The following EXOSC10 variants were observed in gnomAD, a reference collection of about 807,000 sequenced individuals.
The protein encoded by EXOSC10 is exosome component 10.
In EXOSC10, 94 loss-of-function variants were observed where a neutral mutation model predicts 126.6. The ratio of observed to expected loss-of-function variants is 0.74; its 90% CI spans 0.63 to 0.88. EXOSC10 has a LOEUF of 0.88. Ranked by LOEUF, EXOSC10 falls within the 40% of genes least tolerant of loss-of-function variation. EXOSC10 has a pLI of 0.00. For missense variants in EXOSC10, 1,041 were observed against 1,100.5 expected (o/e 0.95, Z 0.77); for synonymous variants, 395 against 400.8 (o/e 0.99, Z 0.17).
chr1:11,092,334 C>A (rs1268418197), intron 3 of EXOSC10, among the ~76,000 whole-genome samples: 1 of 152,120 alleles, frequency 6.6e-6, no homozygotes, highest in Non-Finnish European at 1.5e-5. Context: ...CCTGCCTCAG[C>A]CTCCCAAGTA....
chr1:11,067,931 C>G, intron 24 of EXOSC10, 77 bp downstream of exon 24: 1 of 1,286,882 alleles, frequency 7.8e-7, no homozygotes. Flanking sequence ...TCCCCAGCTA[C>G]TCCCCACGGA....
intron 17 of EXOSC10, among the ~76,000 whole-genome samples, chr1:11,075,184 C>T (rs1470545132): frequency 6.6e-6 from 1 of 151,964 alleles, no homozygotes; most frequent in Non-Finnish European, 1.5e-5. Flanking sequence ...AAGCGTGCGC[C>T]ACAATGCCCG....
At position 11,088,290 on chromosome 1, in the gene EXOSC10, TGAGAA is replaced by T. The variant is rs1640613062; in HGVS notation, c.759-97_759-93del. On this transcript the variant is annotated intron_variant, in intron 6 of 24. Coordinates refer to ENST00000376936, the MANE Select transcript of EXOSC10 (RefSeq NM_001001998.3). ...CTTTTATCCAATCTGTAAAAACAAA[TGAGAA>T]AAGACCACTGTGAAAATATCTTCCC... is the stretch of plus-strand genomic sequence containing the variant. 5.9e-6 allele frequency: 5 copies of T among 846,618 alleles called. No individual in the cohort carries two copies. The Admixed American group carries it at 1.1e-4, about 18-fold the overall frequency. 52.4% of individuals were successfully genotyped at this position (846,618 alleles called of 1,614,324 possible).
chr1:11,087,556 G>A lies in EXOSC10; in HGVS notation c.981C>T (p.Cys327=). Residue 327 remains cysteine (C), a synonymous_variant, in exon 9 of 25, where the codon TGC becomes TGT. Coordinates refer to ENST00000376936, the MANE Select transcript of EXOSC10 (RefSeq NM_001001998.3). ...HSYRSFLGLT[C]LMQISTRTED... ...CCGTCCGAGTAGAAATTTGCATCAG[G>A]CAGGTCAGTCCCAGGAAGCTCCTGT... is the stretch of plus-strand genomic sequence containing the variant. 1 of 1,614,112 alleles carries A rather than the reference G, an allele frequency of 6.2e-7. No homozygotes were observed. Among genetic ancestry groups the A allele is most frequent in the Non-Finnish European group, 8.5e-7 (1 of 1,180,012 alleles).
intron 21 of EXOSC10, 122 bp from the exon 22 acceptor site, chr1:11,069,852 GGGAGA>G: frequency 9.6e-7 from 1 of 1,037,672 alleles, no homozygotes; most frequent in Admixed American, 2.2e-5. Context: ...GTCAGTGGTG[GGGAGA>G]GGAGCTGTGG....
At chr1:11,087,775 T>G (rs1173262260) in intron 8 of EXOSC10, 25 bp downstream of exon 8, 4 of 1,573,914 alleles carry the variant, frequency 2.5e-6, no homozygotes, top group Non-Finnish European at 3.5e-6. Context: ...TGTAAAAATT[T>G]TACCCAGGGT....
At chr1:11,096,146 G>C (rs1053954756) in intron 2 of EXOSC10, among the ~76,000 whole-genome samples, 1 of 152,036 alleles carries the variant, frequency 6.6e-6, no homozygotes, top group Admixed American at 6.6e-5. Context: ...AACAGGTCTG[G>C]TTAATTTTTG....
chr1:11,087,870 G>A lies in EXOSC10; in HGVS notation c.875C>T (p.Ser292Phe), dbSNP rs560051665. ...PIEETPCHFI[S>F]SLDELVELNE... ...GAGTTCCACGAGTTCATCCAGGGAG[G>A]ATATGAAATGGCATGGTGTCTCTTC... The change falls in exon 8 of 25, where the codon TCC becomes TTC. Residue 292 changes from serine (S) to phenylalanine (F), a missense_variant. By Grantham distance (155) the Ser-to-Phe change is radical. Transcript: ENST00000376936. 2 of 1,613,534 alleles carry A rather than the reference G, an allele frequency of 1.2e-6. No individual in the cohort carries two copies. The highest frequency in any genetic ancestry group is 2.2e-5 in the East Asian group (1 of 44,868).
intron 21 of EXOSC10, 129 bp from the exon 22 acceptor site, chr1:11,069,859 G>A (rs1249392177): frequency 1.0e-6 from 1 of 978,402 alleles, no homozygotes; most frequent in Non-Finnish European, 1.5e-6. Context: ...GTGGGGAGAG[G>A]AGCTGTGGCT....
At position 11,087,570 on chromosome 1, in the gene EXOSC10, G is replaced by A; in HGVS notation, c.967C>T (p.Leu323=). The A allele has an allele frequency of 1.2e-6, 2 of 1,614,086 alleles. No homozygotes were observed. The highest frequency in any genetic ancestry group is 1.7e-6 in the Non-Finnish European group (2 of 1,180,032). Residue 323 remains leucine, a synonymous_variant, in exon 9 of 25, where the codon CTG becomes TTG. Coordinates refer to ENST00000376936, the MANE Select transcript of EXOSC10 (RefSeq NM_001001998.3). ...ATTTGCATCAGGCAGGTCAGTCCCA[G>A]GAAGCTCCTGTAAGAGTGGTGCTAA... ...DLEHHSYRSF[L]GLTCLMQIST...
In EXOSC10 at chr1:11,090,593, A is replaced by C. The variant is rs1447574971; in HGVS notation, c.719T>G (p.Phe240Cys). The C allele has an allele frequency of 6.2e-7, 1 of 1,614,170 alleles. No individual in the cohort carries two copies. Residue 240 changes from phenylalanine to cysteine, a missense_variant, in exon 6 of 25, where the codon TTC becomes TGC. Phe to Cys is a radical substitution (Grantham distance 205, BLOSUM62 -2). Transcript: ENST00000376936. ...CTGCTGGGTTCTCTGCTGATGGATG[A>C]AATCAGCCAGTGCAGGGGGGACGTC... is the stretch of plus-strand genomic sequence containing the variant. ...DLDVPPALAD[F>C]IHQQRTQQVE...
intron 9 of EXOSC10, among the ~76,000 whole-genome samples, chr1:11,084,336 G>A (rs1039409924): frequency 1.3e-5 from 2 of 152,208 alleles, no homozygotes; most frequent in African/African-American, 2.4e-5. Flanking sequence ...GGTGTGAGAT[G>A]ATATCTCACT....
chr1:11,068,651 A>G lies in EXOSC10; in HGVS notation c.2544T>C (p.Ser848=), dbSNP rs1557689935. ...SQFDPNKQTP[S]GKKCIAAKKI... ...CTCCAGGAGCAGTTCTTACCTTGCC[A>G]GACGGGGTCTGTTTATTTGGATCAA... Residue 848 remains serine, a synonymous_variant, in exon 23 of 25, where the codon TCT becomes TCC. Transcript: ENST00000376936. The G allele has an allele frequency of 6.2e-7, 1 of 1,614,134 alleles. No individual in the cohort carries two copies. Among genetic ancestry groups the G allele is most frequent in the Non-Finnish European group, 8.5e-7 (1 of 1,179,942 alleles).
chr1:11,089,419 G>C (rs1047656446), intron 6 of EXOSC10, among the ~76,000 whole-genome samples: 3 of 150,462 alleles, frequency 2.0e-5, no homozygotes, highest in African/African-American at 7.4e-5. Flanking sequence ...AGACCAGCCT[G>C]ACCAACATGA....
At chr1:11,097,651 G>C (rs1390926017) in intron 2 of EXOSC10, among the ~76,000 whole-genome samples, 1 of 152,024 alleles carries the variant, frequency 6.6e-6, no homozygotes, top group Non-Finnish European at 1.5e-5. Context: ...GCGTGAACCT[G>C]GGAGGCGGAG....
chr1:11,080,357 C>T, intron 13 of EXOSC10, 142 bp downstream of exon 13: 1 of 1,019,596 alleles, frequency 9.8e-7, no homozygotes, highest in Non-Finnish European at 1.5e-6. Flanking sequence ...ATTCTATATT[C>T]CTTCAACTTG....
rs140844627 is a variant in EXOSC10, at chr1:11,074,000, G to A, written c.2091C>T (p.Pro697=). The A allele has an allele frequency of 2.2e-5, 36 of 1,613,894 alleles. No homozygotes were observed. The highest frequency in any genetic ancestry group is 3.0e-5 in the Non-Finnish European group (35 of 1,179,988). The change falls in exon 19 of 25, where the codon CCC becomes CCT. Residue 697 remains proline (P), a synonymous_variant. Transcript: ENST00000376936. ...SFENPFRMFL[P]SLGHRAPVSQ... is the part of the protein sequence containing the mutation. ...AGACGGGAGCACGGTGTCCCAGTGAGGGCAGAAACTGGAGGAAGGAAATGG... is the reference window on the plus strand; with the variant it reads ...AGACGGGAGCACGGTGTCCCAGTGAAGGCAGAAACTGGAGGAAGGAAATGG...
chr1:11,099,597 C>T, intron 1 of EXOSC10, 124 bp downstream of exon 1: 2 of 1,073,792 alleles, frequency 1.9e-6, no homozygotes, highest in South Asian at 1.7e-5. Context: ...CCAGCGCGGA[C>T]AGGGGCCCCG....
In EXOSC10 at chr1:11,082,812, T is replaced by C. The variant is rs1357155516; in HGVS notation, c.1156A>G (p.Met386Val). The part of the protein sequence containing the change: ...QKDFGLYVVN[M>V]FDTHQAARLL... ...CGTGCTGCCTGATGAGTATCAAACATGTTTACTACATACAACCCAAAGTCT... is the reference window on the plus strand; with the variant it reads ...CGTGCTGCCTGATGAGTATCAAACACGTTTACTACATACAACCCAAAGTCT... The change falls in exon 10 of 25, where the codon ATG becomes GTG. Residue 386 changes from methionine (M) to valine (V), a missense_variant. Physicochemically the swap from Met to Val is conservative, Grantham distance 21. Transcript: ENST00000376936. The C allele has an allele frequency of 3.7e-6, 6 of 1,614,094 alleles. No individual in the cohort carries two copies. The South Asian group carries it at 4.4e-5, about 12-fold the overall frequency.
Sources: allele counts gnomAD v4.1 joint callset (sites outside exome capture counted in the v4.1 genomes callset), GRCh38; gene constraint gnomAD v4.1.1; transcripts MANE v1.5; gene names NCBI Gene and HGNC (gene_info 2026-07-23, HGNC 2026-07-21).